The following CFAP299 variants were observed in gnomAD, a reference collection of about 807,000 sequenced individuals.
CFAP299 encodes the protein cilia and flagella associated protein 299.
Under a neutral mutation model 27.0 loss-of-function variants are expected in CFAP299, and 21 were observed. The observed-to-expected ratio is 0.78, with a 90% CI of 0.55 to 1.12. CFAP299 has a LOEUF of 1.12. Among genes scored for constraint, CFAP299 ranks in the 50% most tolerant of loss-of-function variants. The pLI, the probability that CFAP299 is intolerant of heterozygous loss-of-function variation, is 0.00. For missense variants in CFAP299, 310 were observed against 276.6 expected (o/e 1.12, Z -0.86); for synonymous variants, 104 against 98.1 (o/e 1.06, Z -0.36).
At chr4:80,595,376 T>A (rs1578649278) in intron 3 of CFAP299, among the ~76,000 whole-genome samples, 1 of 152,228 alleles carries the variant, frequency 6.6e-6, no homozygotes, top group Non-Finnish European at 1.5e-5. Flanking sequence ...TGTTTTAGTG[T>A]TTACATTTAG....
chr4:80,696,498 C>T (rs1721102859), intron 3 of CFAP299, among the ~76,000 whole-genome samples: 1 of 151,706 alleles, frequency 6.6e-6, no homozygotes, highest in Non-Finnish European at 1.5e-5. Flanking sequence ...GACAGAAAAA[C>T]AAATAAAAAT....
In CFAP299 at chr4:80,637,540, T is replaced by G. The variant is rs867089811; in HGVS notation, c.333+54357T>G. 2.6e-4 allele frequency among the ~76,000 whole-genome samples: 40 copies of G among 152,252 alleles called. 1 individual carries two copies. Among genetic ancestry groups the G allele is most frequent in the African/African-American group, 8.9e-4 (37 of 41,556 alleles). On this transcript the variant is annotated intron_variant, in intron 3 of 5. Transcript: ENST00000358105. The stretch of plus-strand genomic sequence containing the variant: ...AGTCATGCAACCCAAAGATCGAGTT[T>G]AAAGTTAAAATTAAAGAGGAATTCC...
Position 80,402,848 on chromosome 4 carries a change from T to C in CFAP299, c.242+39964T>C, listed in dbSNP as rs190651650. Among the ~76,000 whole-genome samples the C allele has an allele frequency of 1.8e-4, 28 of 152,290 alleles. No homozygotes were observed. The South Asian group carries it at 2.3e-3, about 12-fold the overall frequency. ...TTCTCAATCATAGAAATCATATGAC[T>C]GAACAATATTAAGGTAAAATTATAA... is the stretch of plus-strand genomic sequence containing the variant. On this transcript the variant is annotated intron_variant, in intron 2 of 5. Transcript: ENST00000358105.
chr4:80,789,599 T>C (rs2110097609), intron 3 of CFAP299, among the ~76,000 whole-genome samples: 1 of 152,172 alleles, frequency 6.6e-6, no homozygotes, highest in South Asian at 2.1e-4. Context: ...GCAAACTTTA[T>C]TAGCATGAAC....
intron 3 of CFAP299, among the ~76,000 whole-genome samples, chr4:80,684,576 C>A (rs1465955253): frequency 6.6e-6 from 1 of 152,118 alleles, no homozygotes; most frequent in East Asian, 1.9e-4. Context: ...CCTGAGATGA[C>A]TATTTTAAGA....
At chr4:80,396,876 G>A (rs1470024109) in intron 2 of CFAP299, among the ~76,000 whole-genome samples, 1 of 152,172 alleles carries the variant, frequency 6.6e-6, no homozygotes, top group Non-Finnish European at 1.5e-5. Context: ...TTTGGTGTCA[G>A]GATGATGCTG....
chr4:80,788,116 T>A (rs889722461), intron 3 of CFAP299, among the ~76,000 whole-genome samples: 4 of 152,166 alleles, frequency 2.6e-5, no homozygotes, highest in Admixed American at 2.6e-4. Context: ...GCTGCTAATC[T>A]GGGGATTACA....
intron 3 of CFAP299, among the ~76,000 whole-genome samples, chr4:80,669,833 C>A (rs1474345535): frequency 6.6e-6 from 1 of 151,318 alleles, no homozygotes; most frequent in East Asian, 1.9e-4. Context: ...GGGTTTATTG[C>A]CTTCATTATT....
intron 3 of CFAP299, among the ~76,000 whole-genome samples, chr4:80,738,547 T>C (rs991650493): frequency 2.6e-5 from 4 of 152,110 alleles, no homozygotes; most frequent in African/African-American, 9.6e-5. Flanking sequence ...TAAGGATAGC[T>C]GCTCCTGCTC....
At chr4:80,555,210 G>T (rs1003166290) in intron 2 of CFAP299, among the ~76,000 whole-genome samples, 10 of 151,954 alleles carry the variant, frequency 6.6e-5, no homozygotes, top group Non-Finnish European at 1.5e-4. Flanking sequence ...ATGTGAAGGG[G>T]TGTTGAATTT....
chr4:80,586,316 G>C (rs893873814), intron 3 of CFAP299, among the ~76,000 whole-genome samples: 2 of 151,978 alleles, frequency 1.3e-5, no homozygotes, highest in African/African-American at 4.8e-5. Context: ...GAATAAAATA[G>C]ATATAGAAAA....
At chr4:80,716,507 T>G (rs1273302021) in intron 3 of CFAP299, among the ~76,000 whole-genome samples, 1 of 151,986 alleles carries the variant, frequency 6.6e-6, no homozygotes, top group African/African-American at 2.4e-5. Flanking sequence ...ACAATCAAAT[T>G]GTGCCTTGCT....
intron 3 of CFAP299, among the ~76,000 whole-genome samples, chr4:80,749,283 T>A (rs1165641531): frequency 4.6e-5 from 7 of 152,218 alleles, no homozygotes; most frequent in Non-Finnish European, 8.8e-5. Flanking sequence ...ACCTAATAGC[T>A]GTTCCAGCTC....
chr4:80,336,064 C>T (rs1722125248), intron 1 of CFAP299, among the ~76,000 whole-genome samples, 185 bp downstream of exon 1: 1 of 152,224 alleles, frequency 6.6e-6, no homozygotes, highest in Non-Finnish European at 1.5e-5. Context: ...CCCCGCGCTC[C>T]CCGGTCCGGA....
chr4:80,687,487 T>C (rs984092748), intron 3 of CFAP299, among the ~76,000 whole-genome samples: 1 of 152,178 alleles, frequency 6.6e-6, no homozygotes, highest in African/African-American at 2.4e-5. Context: ...GAATTTCAAC[T>C]GAGGTGAGCC....
chr4:80,495,943 G>A (rs1027585410), intron 2 of CFAP299, among the ~76,000 whole-genome samples: 2 of 152,232 alleles, frequency 1.3e-5, no homozygotes, highest in Admixed American at 6.5e-5. Context: ...CCAAAGATGT[G>A]CAGAGCAGTG....
At chr4:80,441,787 C>G (rs1206221104) in intron 2 of CFAP299, among the ~76,000 whole-genome samples, 1 of 152,174 alleles carries the variant, frequency 6.6e-6, no homozygotes, top group Non-Finnish European at 1.5e-5. Flanking sequence ...CAAGACCCAT[C>G]AGTGTGCTTG....
intron 2 of CFAP299, among the ~76,000 whole-genome samples, chr4:80,498,226 C>G (rs1731559194): frequency 6.6e-6 from 1 of 151,988 alleles, no homozygotes; most frequent in South Asian, 2.1e-4. Flanking sequence ...GCAATGGTAA[C>G]AAAAATGAAA....
At chr4:80,539,207 C>T (rs1219281773) in intron 2 of CFAP299, among the ~76,000 whole-genome samples, 1 of 152,186 alleles carries the variant, frequency 6.6e-6, no homozygotes, top group Non-Finnish European at 1.5e-5. Flanking sequence ...TACATCTTGC[C>T]TTCCTGTTCT....
Sources: allele counts gnomAD v4.1 joint callset (sites outside exome capture counted in the v4.1 genomes callset), GRCh38; gene constraint gnomAD v4.1.1; transcripts MANE v1.5; gene names NCBI Gene and HGNC (gene_info 2026-07-23, HGNC 2026-07-21).